SHPRH: variants seen among roughly 807,000 people sequenced by gnomAD.
SHPRH encodes the protein E3 ubiquitin-protein ligase SHPRH.
Under a neutral mutation model 202.5 loss-of-function variants are expected in SHPRH, and 106 were observed. The ratio of observed to expected loss-of-function variants is 0.52; its 90% CI spans 0.45 to 0.62. SHPRH has a LOEUF of 0.62. Among genes scored for constraint, SHPRH ranks in the 20% least tolerant of loss-of-function variants. The probability of loss-of-function intolerance (pLI) is 0.00; values close to 1 mark genes in which losing one functional copy is unlikely to be tolerated. For synonymous variants in SHPRH, 729 were observed against 686.0 expected, an observed-to-expected ratio of 1.06 and a Z score of -0.98; for missense variants, 1,710 against 2,020.0, an observed-to-expected ratio of 0.85 and a Z score of 2.94.
chr6:145,860,710 A>T (rs553937723), downstream of SHPRH, among the ~76,000 whole-genome samples: 14 of 152,272 alleles, frequency 9.2e-5, no homozygotes, highest in African/African-American at 3.4e-4. Flanking sequence ...AGCACTAAGA[A>T]CAAAACCAGA....
chr6:145,896,580 T>A (rs1054836888), intron 25 of SHPRH, among the ~76,000 whole-genome samples: 2 of 152,026 alleles, frequency 1.3e-5, no homozygotes, highest in African/African-American at 4.8e-5. Flanking sequence ...TGCTCAATGA[T>A]CCCTTCCAAC....
In SHPRH at chr6:145,955,227, T is replaced by C; in HGVS notation, c.96A>G (p.Glu32=). 3.1e-6 allele frequency: 5 copies of C among 1,613,526 alleles called. No homozygotes were observed. Among genetic ancestry groups the C allele is most frequent in the Non-Finnish European group, 4.2e-6 (5 of 1,179,932 alleles). The change falls in exon 2 of 30, where the codon GAA becomes GAG. Residue 32 remains glutamate, a synonymous_variant. Transcript: ENST00000275233. The part of the protein sequence containing the change: ...HWNMHEDRRN[E]PIIISDDDEQ... Reference sequence around the variant, plus strand: ...CGTCATCATCACTTATGATGATAGGTTCATTCCTTCTGTCCTCATGCATAT... The same window carrying C: ...CGTCATCATCACTTATGATGATAGGCTCATTCCTTCTGTCCTCATGCATAT...
chr6:145,888,957 C>T (rs1166874068), intron 28 of SHPRH, among the ~76,000 whole-genome samples: 1 of 152,084 alleles, frequency 6.6e-6, no homozygotes, highest in African/African-American at 2.4e-5. Flanking sequence ...GAACAGATGA[C>T]AGTGCCACAT....
At chr6:145,935,993 A>G (rs1786025234) in intron 11 of SHPRH, among the ~76,000 whole-genome samples, 2 of 152,220 alleles carry the variant, frequency 1.3e-5, no homozygotes, top group African/African-American at 4.8e-5. Context: ...TAGAAAAATG[A>G]CTCAAATAAA....
intron 11 of SHPRH, 142 bp downstream of exon 11, chr6:145,940,581 T>C: frequency 1.3e-6 from 1 of 747,126 alleles, no homozygotes; most frequent in Non-Finnish European, 2.1e-6. Context: ...GATAAATGCT[T>C]GAAACTATTA....
rs930026907 is a variant in SHPRH at position 145,941,767 on chromosome 6, G to A, written c.2346C>T (p.Val782=). The A allele has an allele frequency of 1.6e-5, 26 of 1,613,962 alleles. No individual in the cohort carries two copies. The African/African-American group carries it at 1.7e-4, about 11-fold the overall frequency. The change falls in exon 10 of 30, where the codon GTC becomes GTT. Residue 782 remains valine, a synonymous_variant. Coordinates refer to ENST00000275233, the MANE Select transcript of SHPRH (RefSeq NM_001042683.3). ...YDVLRSELNY[V]DIPHSNSEDG... The stretch of plus-strand genomic sequence containing the variant: ...CCTCACTATTGCTATGTGGGATATC[G>A]ACATAATTTAATTCTGAACGCAGTA...
rs764156524 is a variant in SHPRH at position 145,954,906 on chromosome 6, T to G, written c.417A>C (p.Thr139=). 6.2e-7 allele frequency: 1 copy of G among 1,613,864 alleles called. No individual in the cohort carries two copies. The highest frequency in any genetic ancestry group is 8.5e-7 in the Non-Finnish European group (1 of 1,179,904). The change falls in exon 2 of 30, where the codon ACA becomes ACC. Residue 139 remains threonine (T), a synonymous_variant. Coordinates refer to ENST00000275233, the MANE Select transcript of SHPRH (RefSeq NM_001042683.3). ...GATTGCTTGACTCTGAACTCATCAA[T>G]GTAATACTCCTTTCGGAAAAATTTT... ...LIENFSERSI[T]LMSSESSNQF...
At chr6:145,946,173 C>T in intron 7 of SHPRH, 60 bp downstream of exon 7, 1 of 1,263,718 alleles carries the variant, frequency 7.9e-7, no homozygotes, top group Non-Finnish European at 1.1e-6. Flanking sequence ...CTAAGGATTG[C>T]AAGAACTCTA....
chr6:145,866,415 C>T lies in SHPRH; in HGVS notation c.222-1924G>A, dbSNP rs149206195. On this transcript the variant is annotated intron_variant, in intron 2 of 2. Transcript: ENST00000417762. ...TCCTTTCTACATTTCTGGGATTAAA[C>T]GAGTTATAATTAACTGGATTGAAAT... is the stretch of plus-strand genomic sequence containing the variant. Among the ~76,000 whole-genome samples, 246 of 152,264 alleles carry T rather than the reference C, an allele frequency of 1.6e-3. 1 individual carries two copies. The highest frequency in any genetic ancestry group is 5.5e-3 in the African/African-American group (229 of 41,536).
intron 24 of SHPRH, among the ~76,000 whole-genome samples, chr6:145,911,577 T>C (rs1783499002): frequency 1.3e-5 from 2 of 152,180 alleles, no homozygotes; most frequent in South Asian, 4.1e-4. Context: ...CTAAAAGCTA[T>C]GGCATCTTAC....
Position 145,919,510 on chromosome 6 carries a change from C to A in SHPRH, c.4009-19G>T. The A allele has an allele frequency of 6.2e-7, 1 of 1,610,678 alleles. No homozygotes were observed. The highest frequency in any genetic ancestry group is 1.1e-5 in the South Asian group (1 of 90,752). On this transcript the variant is annotated intron_variant, in intron 21 of 29. Transcript: ENST00000275233. ...GAAGCAACTGAAGGAATAGAAAAGA[C>A]AAACACAGTGGTAAAGCATGTAATT... is the stretch of plus-strand genomic sequence containing the variant.
intron 29 of SHPRH, 134 bp from the exon 30 acceptor site, chr6:145,886,921 A>G (rs1348662529): frequency 8.5e-6 from 7 of 823,444 alleles, no homozygotes; most frequent in Non-Finnish European, 1.3e-5. Flanking sequence ...TCCCAGAGGA[A>G]AGCAAGTGAT....
At chr6:145,934,043 A>T (rs577875865) in intron 13 of SHPRH, among the ~76,000 whole-genome samples, 1 of 152,290 alleles carries the variant, frequency 6.6e-6, no homozygotes, top group South Asian at 2.1e-4. Flanking sequence ...CCTAATTTTA[A>T]AAGAAGTGTT....
chr6:145,905,892 A>G (rs2128729590), intron 25 of SHPRH: 2 of 151,300 alleles, frequency 1.3e-5, no homozygotes, highest in Middle Eastern at 6.8e-3. Flanking sequence ...TTACCCTCTA[A>G]TTTTTCTCCT....
Position 145,894,133 on chromosome 6 carries a change from G to A in SHPRH, c.4695+17C>T. ...AACTGTATCCACTACAAAAACCGGA[G>A]TAAAATCTTAACATACCTGAAATGT... On this transcript the variant is annotated intron_variant, in intron 27 of 29. Coordinates refer to ENST00000275233, the MANE Select transcript of SHPRH (RefSeq NM_001042683.3). 1 of 1,576,880 alleles carries A rather than the reference G, an allele frequency of 6.3e-7. No homozygotes were observed. Among genetic ancestry groups the A allele is most frequent in the Non-Finnish European group, 8.6e-7 (1 of 1,165,626 alleles).
chr6:145,897,240 A>C (rs1216728433), intron 25 of SHPRH, among the ~76,000 whole-genome samples: 3 of 152,016 alleles, frequency 2.0e-5, no homozygotes, highest in Admixed American at 2.0e-4. Flanking sequence ...AATACAGAGA[A>C]TCATGAGACT....
intron 25 of SHPRH, among the ~76,000 whole-genome samples, chr6:145,896,566 G>T (rs1782028441): frequency 6.6e-6 from 1 of 152,046 alleles, no homozygotes; most frequent in Non-Finnish European, 1.5e-5. Context: ...CAGTTCAGTG[G>T]TAGTGCTCAA....
At chr6:145,883,383 G>GT (rs1396672616), downstream of SHPRH, 1 of 152,244 alleles carries the variant, frequency 6.6e-6, no homozygotes, top group African/African-American at 2.4e-5. Flanking sequence ...GACAGGGGAA[G>GT]GCTGGAGATG....
chr6:145,948,149 C>G, intron 5 of SHPRH, 123 bp downstream of exon 5: 2 of 618,584 alleles, frequency 3.2e-6, no homozygotes, highest in Non-Finnish European at 5.4e-6. Flanking sequence ...TATGTCTAAT[C>G]AAGACTTCAC....
Sources: allele counts gnomAD v4.1 joint callset (sites outside exome capture counted in the v4.1 genomes callset), GRCh38; gene constraint gnomAD v4.1.1; transcripts MANE v1.5; gene names NCBI Gene and HGNC (gene_info 2026-07-23, HGNC 2026-07-21).